Variants in UNC5C observed in about 807,000 individuals in gnomAD.
UNC5C encodes unc-5 netrin receptor C, also known as netrin receptor UNC5C.
UNC5C carries 47 observed loss-of-function variants against 99.8 expected under a neutral mutation model. The ratio of observed to expected loss-of-function variants is 0.47; its 90% confidence interval spans 0.37 to 0.60. UNC5C has a LOEUF of 0.60. Ranked by LOEUF, UNC5C falls within the 20% of genes least tolerant of loss-of-function variation. The probability of loss-of-function intolerance (pLI) is 0.00; values close to 1 mark genes in which losing one functional copy is unlikely to be tolerated. For missense variants in UNC5C, 1,062 were observed against 1,165.9 expected, an observed-to-expected ratio of 0.91 and a Z score of 1.30; for synonymous variants, 487 against 452.2, an observed-to-expected ratio of 1.08 and a Z score of -0.98.
At chr4:95,273,339 C>T (rs758914223) in intron 4 of UNC5C, among the ~76,000 whole-genome samples, 1 of 152,182 alleles carries the variant, frequency 6.6e-6, no homozygotes, top group Non-Finnish European at 1.5e-5. Flanking sequence ...TTCTGCCATG[C>T]CAACAAATCT....
intron 1 of UNC5C, among the ~76,000 whole-genome samples, chr4:95,508,997 T>C (rs767091189): frequency 2.0e-5 from 3 of 151,900 alleles, no homozygotes; most frequent in Non-Finnish European, 4.4e-5. Flanking sequence ...AAATGATATG[T>C]AGCATTCCTA....
At chr4:95,208,591 C>G (rs1396983259) in intron 10 of UNC5C, among the ~76,000 whole-genome samples, 1 of 151,680 alleles carries the variant, frequency 6.6e-6, no homozygotes, top group Non-Finnish European at 1.5e-5. Flanking sequence ...TTTATGTTCT[C>G]ATTCTAACCA....
chr4:95,191,030 G>C (rs1372551798), intron 12 of UNC5C, among the ~76,000 whole-genome samples: 1 of 152,124 alleles, frequency 6.6e-6, no homozygotes, highest in East Asian at 1.9e-4. Flanking sequence ...TGTTTTAAAG[G>C]CTTGTGTGCA....
At chr4:95,208,495 A>G (rs977620528) in intron 10 of UNC5C, among the ~76,000 whole-genome samples, 1 of 152,190 alleles carries the variant, frequency 6.6e-6, no homozygotes, top group African/African-American at 2.4e-5. Flanking sequence ...ATTTTGGGTC[A>G]TCTATTTCTT....
chr4:95,452,925 T>G (rs265045), intron 1 of UNC5C, among the ~76,000 whole-genome samples: 108,822 of 152,136 alleles, frequency 0.72, 39,475 homozygotes, highest in African/African-American at 0.81. Context: ...TACTCTTTGT[T>G]GTGGGCAATC....
chr4:95,525,831 A>G (rs1722485866), intron 1 of UNC5C, among the ~76,000 whole-genome samples: 1 of 152,166 alleles, frequency 6.6e-6, no homozygotes, highest in Non-Finnish European at 1.5e-5. Flanking sequence ...TAAGGGGGCT[A>G]TATCAACTCT....
intron 2 of UNC5C, among the ~76,000 whole-genome samples, chr4:95,309,552 T>C (rs1033037529): frequency 6.6e-5 from 10 of 151,878 alleles, no homozygotes; most frequent in African/African-American, 2.4e-4. Flanking sequence ...GGTCAATAGA[T>C]AAAATATATA....
At chr4:95,511,133 C>A (rs987202866) in intron 1 of UNC5C, among the ~76,000 whole-genome samples, 5 of 152,078 alleles carry the variant, frequency 3.3e-5, no homozygotes, top group African/African-American at 1.2e-4. Context: ...TGCCTTACAA[C>A]CTTTGATAAT....
intron 1 of UNC5C, among the ~76,000 whole-genome samples, chr4:95,462,633 A>G (rs1011205871): frequency 6.6e-6 from 1 of 152,240 alleles, no homozygotes. Context: ...TAACTGCTGT[A>G]ATGTTTTAGA....
chr4:95,197,686 G>A (rs907384639), intron 12 of UNC5C, among the ~76,000 whole-genome samples: 1 of 152,134 alleles, frequency 6.6e-6, no homozygotes. Context: ...AAGTCAAGAA[G>A]AGCTAAATAA....
chr4:95,538,783 C>T (rs988128821), intron 1 of UNC5C, among the ~76,000 whole-genome samples: 3 of 151,968 alleles, frequency 2.0e-5, no homozygotes, highest in African/African-American at 7.3e-5. Context: ...CATATGTTAA[C>T]CTGTATTTAA....
At chr4:95,210,100 C>T (rs1738026014) in intron 10 of UNC5C, among the ~76,000 whole-genome samples, 1 of 152,070 alleles carries the variant, frequency 6.6e-6, no homozygotes, top group Non-Finnish European at 1.5e-5. Context: ...CCCTGCTGGG[C>T]TGGGGAGCTG....
intron 7 of UNC5C, among the ~76,000 whole-genome samples, chr4:95,238,006 C>A (rs1478881550): frequency 3.3e-5 from 5 of 151,922 alleles, no homozygotes; most frequent in Non-Finnish European, 1.5e-5. Context: ...CAACTGCACT[C>A]CAGCCTGGCG....
chr4:95,540,839 T>C (rs997119873), intron 1 of UNC5C, among the ~76,000 whole-genome samples: 2 of 152,202 alleles, frequency 1.3e-5, no homozygotes, highest in Non-Finnish European at 2.9e-5. Flanking sequence ...ATTTGGTTAC[T>C]TGTTTGATTT....
At chr4:95,415,126 T>C (rs904763062) in intron 1 of UNC5C, among the ~76,000 whole-genome samples, 6 of 152,146 alleles carry the variant, frequency 3.9e-5, no homozygotes, top group Non-Finnish European at 8.8e-5. Flanking sequence ...CTTTAACTCT[T>C]AAAGGGATCA....
chr4:95,303,413 C>T (rs775663617), intron 2 of UNC5C, among the ~76,000 whole-genome samples: 7 of 152,190 alleles, frequency 4.6e-5, no homozygotes, highest in Admixed American at 2.6e-4. Flanking sequence ...CTGTGGCTCA[C>T]GCCTGTAATC....
intron 2 of UNC5C, among the ~76,000 whole-genome samples, chr4:95,307,207 T>C (rs1426916539): frequency 2.6e-5 from 4 of 152,086 alleles, no homozygotes; most frequent in African/African-American, 9.7e-5. Flanking sequence ...CAGGAAGACA[T>C]TGTATACACA....
At chr4:95,406,117 G>C (rs1320060657) in intron 1 of UNC5C, among the ~76,000 whole-genome samples, 1 of 152,112 alleles carries the variant, frequency 6.6e-6, no homozygotes, top group South Asian at 2.1e-4. Flanking sequence ...TTAATGTCAC[G>C]AGGACTGAAA....
Position 95,548,872 on chromosome 4 carries a change from T to G in UNC5C, c.-15A>C. 2 of 1,607,890 alleles carry G rather than the reference T, an allele frequency of 1.2e-6. No homozygotes were observed. The highest frequency in any genetic ancestry group is 1.7e-6 in the Non-Finnish European group (2 of 1,177,472). On this transcript the variant is annotated 5_prime_UTR_variant, in exon 1 of 16. Transcript: ENST00000453304. ...CCTTTCCTCATCGTAGACAGAGGTG[T>G]GCCGGGGGGAGGGGAGGGGGACAGA...
Sources: allele counts gnomAD v4.1 joint callset (sites outside exome capture counted in the v4.1 genomes callset), GRCh38; gene constraint gnomAD v4.1.1; transcripts MANE v1.5; gene names NCBI Gene and HGNC (gene_info 2026-07-23, HGNC 2026-07-21).